Variants in CLTC observed in about 807,000 individuals in gnomAD.
CLTC encodes clathrin heavy chain, also known as clathrin heavy chain 1.
A neutral mutation model predicts 195.8 loss-of-function variants in CLTC; 16 were observed. That is an observed-to-expected ratio of 0.08 (90% CI 0.06 to 0.12). The LOEUF is 0.12. CLTC is among the 10% of genes least tolerant of loss of function. The pLI is 1.00. For missense variants in CLTC, 796 were observed against 2,027.0 expected (o/e 0.39, Z 11.66); for synonymous variants, 667 against 689.4 (o/e 0.97, Z 0.51).
At chr17:59,638,365 G>T (rs1315126072) in intron 1 of CLTC, among the ~76,000 whole-genome samples, 3 of 151,962 alleles carry the variant, frequency 2.0e-5, no homozygotes, top group Non-Finnish European at 4.4e-5. Context: ...AATATCTGTT[G>T]AGCTGTTAGA....
intron 1 of CLTC, among the ~76,000 whole-genome samples, chr17:59,636,147 A>G (rs1312680110): frequency 6.6e-6 from 1 of 152,144 alleles, no homozygotes; most frequent in African/African-American, 2.4e-5. Context: ...AAAAAAAAAA[A>G]ACAGTCTATA....
intron 1 of CLTC, among the ~76,000 whole-genome samples, chr17:59,638,304 C>T (rs1196900734): frequency 6.6e-6 from 1 of 151,700 alleles, no homozygotes; most frequent in African/African-American, 2.4e-5. Flanking sequence ...CTCTTGCACT[C>T]CAGCTTGGGT....
At chr17:59,655,769 T>A (rs2032451438) in intron 5 of CLTC, 85 bp from the exon 6 acceptor site, 2 of 1,104,092 alleles carry the variant, frequency 1.8e-6, no homozygotes, top group Admixed American at 6.3e-5. Flanking sequence ...AATTTTACCA[T>A]CTCTAAAATG....
intron 7 of CLTC, among the ~76,000 whole-genome samples, chr17:59,660,820 G>C (rs145679949): frequency 1.3e-5 from 2 of 152,140 alleles, no homozygotes; most frequent in Non-Finnish European, 2.9e-5. Flanking sequence ...TGTGGGTCTA[G>C]CAAGCTTTTG....
At chr17:59,669,929 C>G (rs2032809716) in intron 14 of CLTC, among the ~76,000 whole-genome samples, 1 of 152,104 alleles carries the variant, frequency 6.6e-6, no homozygotes, top group Non-Finnish European at 1.5e-5. Context: ...ACTACCTGGG[C>G]TCTAGATTAA....
chr17:59,686,690 A>C (rs1296861015), intron 30 of CLTC, among the ~76,000 whole-genome samples: 4 of 152,230 alleles, frequency 2.6e-5, no homozygotes, highest in Non-Finnish European at 5.9e-5. Flanking sequence ...GCCATAGATG[A>C]GAATAGCTTC....
intron 2 of CLTC, 148 bp downstream of exon 2, chr17:59,644,631 A>G: frequency 1.6e-6 from 1 of 639,208 alleles, no homozygotes; most frequent in Non-Finnish European, 2.7e-6. Context: ...GCTCACTGCA[A>G]TCTCCACCCC....
At chr17:59,624,045 A>AT (rs1172078261) in intron 1 of CLTC, among the ~76,000 whole-genome samples, 2 of 152,192 alleles carry the variant, frequency 1.3e-5, no homozygotes, top group African/African-American at 2.4e-5. Flanking sequence ...TTTTAACTGA[A>AT]TACTGTCTGT....
intron 1 of CLTC, among the ~76,000 whole-genome samples, chr17:59,642,727 CA>C (rs1331428548): frequency 6.6e-6 from 1 of 152,154 alleles, no homozygotes; most frequent in African/African-American, 2.4e-5. Flanking sequence ...GCTTGTAAAG[CA>C]GGTTAATCTA....
chr17:59,661,179 A>AT (rs57359577), intron 7 of CLTC, among the ~76,000 whole-genome samples: 88 of 146,832 alleles, frequency 6.0e-4, no homozygotes, highest in Admixed American at 6.1e-4. Flanking sequence ...ATTCTGGATA[A>AT]TTTTTTTTTT....
chr17:59,623,929 A>G (rs1259874581), intron 1 of CLTC, among the ~76,000 whole-genome samples: 1 of 152,246 alleles, frequency 6.6e-6, no homozygotes, highest in African/African-American at 2.4e-5. Context: ...GCACAATTAT[A>G]GGCCATGCTG....
chr17:59,635,876 A>G (rs768361516), intron 1 of CLTC, among the ~76,000 whole-genome samples: 1 of 152,222 alleles, frequency 6.6e-6, no homozygotes, highest in Non-Finnish European at 1.5e-5. Context: ...AGGTTTGAGT[A>G]TATAACAGTA....
At chr17:59,659,549 C>G (rs2032559360) in intron 6 of CLTC, among the ~76,000 whole-genome samples, 1 of 150,504 alleles carries the variant, frequency 6.6e-6, no homozygotes, top group East Asian at 1.9e-4. Flanking sequence ...CTCCTGGGTT[C>G]AAGCGATTCT....
chr17:59,667,996 C>A (rs2032768685), intron 13 of CLTC, among the ~76,000 whole-genome samples: 1 of 152,202 alleles, frequency 6.6e-6, no homozygotes, highest in South Asian at 2.1e-4. Flanking sequence ...AGTACAGTCA[C>A]TAGCCACATA....
intron 8 of CLTC, among the ~76,000 whole-genome samples, chr17:59,662,812 C>A (rs1232004647): frequency 6.6e-6 from 1 of 152,062 alleles, no homozygotes; most frequent in Non-Finnish European, 1.5e-5. Context: ...TGGTGGCTTA[C>A]GCCTGTAATC....
At position 59,696,572 on chromosome 17, in the gene CLTC, G is replaced by A. The variant is rs2033431754; in HGVS notation, c.*2720G>A. On this transcript the variant is annotated 3_prime_UTR_variant, in exon 32 of 32. Transcript: ENST00000269122. ...CTATCAGGAAGCTATGTGGCTTGGG[G>A]AGTTGGGACCCTCTGCCTCATATTC... 1 of 213,100 alleles carries A rather than the reference G, an allele frequency of 4.7e-6. No homozygotes were observed. The highest frequency in any genetic ancestry group is 7.1e-5 in the East Asian group (1 of 14,078). 13.2% of individuals were successfully genotyped at this position (213,100 alleles called of 1,614,324 possible). A position where few individuals can be genotyped will look rare whatever the true frequency, so the allele number is the denominator to read the frequency against.
At position 59,683,989 on chromosome 17, in the gene CLTC, A is replaced by C. The variant is rs2033127190; in HGVS notation, c.4434+4A>C. On this transcript the variant is annotated splice_donor_region_variant and intron_variant, in intron 28 of 31. Transcript: ENST00000269122. This position sits in a 1 kb window ranked among gnomAD's most constrained non-coding sequence, Gnocchi z 6.1. ...TATTACAGAAGAAGATTATCAGGTA[A>C]AACCTTTTGATTCTTGCACATAATC... 1 of 1,519,562 alleles carries C rather than the reference A, an allele frequency of 6.6e-7. No homozygotes were observed. The highest frequency in any genetic ancestry group is 1.1e-5 in the South Asian group (1 of 88,502). The allele number at this position is 1,519,562 out of a possible 1,614,324, so 94.1% of individuals were successfully genotyped here.
chr17:59,675,174 A>C (rs2032938324), intron 16 of CLTC, among the ~76,000 whole-genome samples: 1 of 152,182 alleles, frequency 6.6e-6, no homozygotes, highest in African/African-American at 2.4e-5. Context: ...TTTAACAACT[A>C]ATTCTGTACT....
At chr17:59,687,487 G>A (rs1366160382) in intron 30 of CLTC, among the ~76,000 whole-genome samples, 1 of 141,978 alleles carries the variant, frequency 7.0e-6, no homozygotes, top group Admixed American at 7.1e-5. Flanking sequence ...GCTTTTTGGG[G>A]TTTTTTTTTT....
Sources: allele counts gnomAD v4.1 joint callset (sites outside exome capture counted in the v4.1 genomes callset), GRCh38; gene constraint gnomAD v4.1.1; non-coding constraint Gnocchi (gnomAD v3.1); transcripts MANE v1.5; gene names NCBI Gene and HGNC (gene_info 2026-07-23, HGNC 2026-07-21).